The following SULT6B1 variants were observed in gnomAD, a reference collection of about 807,000 sequenced individuals.
SULT6B1 encodes sulfotransferase 6B1.
Under a neutral mutation model 37.2 loss-of-function variants are expected in SULT6B1, and 44 were observed. The ratio of observed to expected loss-of-function variants is 1.18; its 90% CI spans 0.93 to 1.52. The LOEUF is 1.52. Ranked by LOEUF, SULT6B1 falls within the 40% of genes most tolerant of loss-of-function variation. The probability of loss-of-function intolerance (pLI) is 0.00; values close to 1 mark genes in which losing one functional copy is unlikely to be tolerated. For synonymous variants in SULT6B1, 140 were observed against 126.0 expected (o/e 1.11, Z -0.74); for missense variants, 450 against 361.0 (o/e 1.25, Z -2.00).
chr2:37,172,778 G>T (rs559976953), intron 5 of SULT6B1, among the ~76,000 whole-genome samples: 119 of 152,276 alleles, frequency 7.8e-4, no homozygotes, highest in African/African-American at 2.7e-3. Flanking sequence ...AAAGTGCTAG[G>T]ATTACAGGCG....
intron 3 of SULT6B1, among the ~76,000 whole-genome samples, 165 bp downstream of exon 3, chr2:37,183,260 A>G (rs950067613): frequency 2.6e-5 from 4 of 152,240 alleles, no homozygotes; most frequent in African/African-American, 9.6e-5. Flanking sequence ...ACTTGAGTGC[A>G]ACTATAGCAA....
chr2:37,168,632 T>C (rs1279660882), intron 6 of SULT6B1, among the ~76,000 whole-genome samples: 4 of 152,226 alleles, frequency 2.6e-5, no homozygotes. Context: ...GAACTTAAAA[T>C]TCCACTTTTT....
chr2:37,195,244 C>G (rs1334008807), intron 1 of SULT6B1, among the ~76,000 whole-genome samples: 1 of 152,170 alleles, frequency 6.6e-6, no homozygotes, highest in Non-Finnish European at 1.5e-5. Flanking sequence ...GCCACCGCAC[C>G]AAGCCCCAAT....
chr2:37,195,826 ATT>A (rs10711713), intron 1 of SULT6B1, among the ~76,000 whole-genome samples: 126 of 146,438 alleles, frequency 8.6e-4, no homozygotes, highest in South Asian at 1.1e-3. Context: ...GTAGTTCTGC[ATT>A]TTTTTTTTTT....
At chr2:37,195,342 G>T (rs898471283) in intron 1 of SULT6B1, among the ~76,000 whole-genome samples, 2 of 152,144 alleles carry the variant, frequency 1.3e-5, no homozygotes, top group Admixed American at 6.5e-5. Flanking sequence ...TTGCTATATG[G>T]TCTGAAAGTT....
intron 1 of SULT6B1, 142 bp downstream of exon 1, chr2:37,188,300 T>A: frequency 1.6e-6 from 1 of 644,728 alleles, no homozygotes; most frequent in Non-Finnish European, 2.7e-6. Context: ...ACCTACGTAC[T>A]TAACCACTGT....
intron 1 of SULT6B1, chr2:37,194,569 C>A: frequency 2.7e-6 from 1 of 369,470 alleles, no homozygotes; most frequent in Non-Finnish European, 5.3e-6. Flanking sequence ...CTGGAGTTCC[C>A]ATCTCCTTCA....
intron 4 of SULT6B1, among the ~76,000 whole-genome samples, chr2:37,178,443 C>G (rs1312405028): frequency 6.6e-6 from 1 of 152,042 alleles, no homozygotes; most frequent in African/African-American, 2.4e-5. Context: ...GCCATGTTGG[C>G]CAGACTGGTC....
At chr2:37,192,053 G>A (rs536072687), upstream of SULT6B1, among the ~76,000 whole-genome samples, 2 of 152,238 alleles carry the variant, frequency 1.3e-5, no homozygotes, top group East Asian at 1.9e-4. Context: ...GTGCAAGCAA[G>A]TACAGCTGGT....
chr2:37,176,279 T>C (rs1164882292), intron 4 of SULT6B1, among the ~76,000 whole-genome samples: 4 of 150,188 alleles, frequency 2.7e-5, no homozygotes, highest in African/African-American at 9.8e-5. Context: ...TTTTTTTTTT[T>C]TGAGATGGAG....
At chr2:37,181,742 C>T (rs759683687) in intron 3 of SULT6B1, among the ~76,000 whole-genome samples, 2 of 152,136 alleles carry the variant, frequency 1.3e-5, no homozygotes, top group Non-Finnish European at 2.9e-5. Context: ...CAAAAGCCTG[C>T]GTGCCCCAAG....
chr2:37,177,692 G>A (rs777851650), intron 4 of SULT6B1, among the ~76,000 whole-genome samples: 3 of 152,068 alleles, frequency 2.0e-5, no homozygotes, highest in South Asian at 2.1e-4. Flanking sequence ...TATAATATTC[G>A]TTAAAAGAAT....
At chr2:37,168,630 A>G (rs1640215566) in intron 6 of SULT6B1, among the ~76,000 whole-genome samples, 1 of 152,174 alleles carries the variant, frequency 6.6e-6, no homozygotes, top group Non-Finnish European at 1.5e-5. Context: ...TAGAACTTAA[A>G]ATTCCACTTT....
chr2:37,185,384 G>T (rs955331146), intron 2 of SULT6B1, among the ~76,000 whole-genome samples: 4 of 152,050 alleles, frequency 2.6e-5, no homozygotes, highest in African/African-American at 9.7e-5. Context: ...GCAAATAATT[G>T]TTAAGTGAAG....
chr2:37,193,582 A>AAGAAGAAG (rs1558454824), upstream of SULT6B1, among the ~76,000 whole-genome samples: 10 of 125,426 alleles, frequency 8.0e-5, no homozygotes, highest in East Asian at 6.6e-4. Flanking sequence ...AAAAGAAGAA[A>AAGAAGAAG]AAGAAGAAGA....
At chr2:37,186,630 G>T (rs777876691) in intron 2 of SULT6B1, among the ~76,000 whole-genome samples, 5 of 152,120 alleles carry the variant, frequency 3.3e-5, no homozygotes, top group Admixed American at 6.6e-5. Context: ...GGTGGCTCAT[G>T]CCCATAATCT....
intron 5 of SULT6B1, among the ~76,000 whole-genome samples, chr2:37,173,035 T>C (rs12464705): frequency 0.028 from 4,245 of 151,490 alleles, 84 homozygotes; most frequent in Non-Finnish European, 0.038. Context: ...GTATTTTTAG[T>C]AGAGACGGGG....
At chr2:37,177,217 A>G (rs544230270) in intron 4 of SULT6B1, among the ~76,000 whole-genome samples, 55 of 152,164 alleles carry the variant, frequency 3.6e-4, no homozygotes, top group African/African-American at 1.2e-3. Context: ...AGACACAAAA[A>G]GAAAAATACG....
Position 37,167,844 on chromosome 2 carries a change from TTATTTGA to T in SULT6B1, c.*84_*90del. ...TTTAGATTTCAATATTGTTTAATTATTATTTGATTATTTGATTGAATTATCATTTAAT... is the reference window on the plus strand; with the variant it reads ...TTTAGATTTCAATATTGTTTAATTATTTATTTGATTGAATTATCATTTAAT... On this transcript the variant is annotated 3_prime_UTR_variant, in exon 7 of 7. Transcript: ENST00000535679. 1.8e-6 allele frequency: 2 copies of T among 1,110,208 alleles called. No individual in the cohort carries two copies. Among genetic ancestry groups the T allele is most frequent in the African/African-American group, 3.3e-5 (2 of 60,228 alleles). 68.8% of individuals were successfully genotyped at this position (1,110,208 alleles called of 1,614,324 possible). A position where few individuals can be genotyped will look rare whatever the true frequency, so the allele number is the denominator to read the frequency against.
Sources: allele counts gnomAD v4.1 joint callset (sites outside exome capture counted in the v4.1 genomes callset), GRCh38; gene constraint gnomAD v4.1.1; transcripts MANE v1.5; gene names NCBI Gene and HGNC (gene_info 2026-07-23, HGNC 2026-07-21).